Variants in SAMD7 observed in about 807,000 individuals in gnomAD.
SAMD7 encodes sterile alpha motif domain containing 7.
A neutral mutation model predicts 36.7 loss-of-function variants in SAMD7; 34 were observed. The ratio of observed to expected loss-of-function variants is 0.93; its 90% CI spans 0.71 to 1.23. The LOEUF (loss-of-function observed/expected upper bound fraction) is 1.23, where lower values mean the gene tolerates loss of function less well. Ranked by LOEUF, SAMD7 falls within the 50% of genes most tolerant of loss-of-function variation. The probability of loss-of-function intolerance (pLI) is 0.00; values close to 1 mark genes in which losing one functional copy is unlikely to be tolerated. For missense variants in SAMD7, 570 were observed against 546.6 expected, an observed-to-expected ratio of 1.04 and a Z score of -0.43; for synonymous variants, 188 against 189.7, an observed-to-expected ratio of 0.99 and a Z score of 0.07.
intron 7 of SAMD7, chr3:169,933,021 T>C (rs1389059729): frequency 7.6e-6 from 6 of 785,074 alleles, no homozygotes; most frequent in Admixed American, 7.0e-5. Context: ...GGTGTCTACC[T>C]GGAACAGACG....
rs1713570862 is a variant in SAMD7, at chr3:169,932,919, T to A, written c.1042-3420T>A. On this transcript the variant is annotated intron_variant, in intron 7 of 8. Transcript: ENST00000335556. ...CAAGATAATGAGGGCGCCAGTATGCTCATCCTTCTTGATAACAACAAAAGC... is the reference window on the plus strand; with the variant it reads ...CAAGATAATGAGGGCGCCAGTATGCACATCCTTCTTGATAACAACAAAAGC... 6.1e-6 allele frequency: 4 copies of A among 650,858 alleles called. No homozygotes were observed. In the Admixed American group the frequency reaches 8.2e-5, roughly 13 times the overall value. 40.3% of individuals were successfully genotyped at this position (650,858 alleles called of 1,614,324 possible). A position where few individuals can be genotyped will look rare whatever the true frequency, so the allele number is the denominator to read the frequency against.
chr3:169,921,362 C>T, intron 4 of SAMD7, 24 bp downstream of exon 4: 1 of 1,610,328 alleles, frequency 6.2e-7, no homozygotes, highest in Non-Finnish European at 8.5e-7. Flanking sequence ...AAGTTTGGCT[C>T]TCATCTGTGG....
rs1404596409 is a variant in SAMD7, at chr3:169,938,950, C to T, written c.*444C>T. ...AGAACAGAAATGGAGAAGCTGACCA[C>T]GACTCCATCTCTTCTCATTCCAGAT... is the stretch of plus-strand genomic sequence containing the variant. On this transcript the variant is annotated 3_prime_UTR_variant, in exon 9 of 9. Coordinates refer to ENST00000335556, the MANE Select transcript of SAMD7 (RefSeq NM_001304366.2). 1 of 152,948 alleles carries T rather than the reference C, an allele frequency of 6.5e-6. No homozygotes were observed. Among genetic ancestry groups the T allele is most frequent in the Non-Finnish European group, 1.5e-5 (1 of 68,640 alleles). The allele number at this position is 152,948 out of a possible 1,614,324, so 9.5% of individuals were successfully genotyped here.
At chr3:169,925,820 G>A (rs1446791198) in intron 5 of SAMD7, among the ~76,000 whole-genome samples, 5 of 152,102 alleles carry the variant, frequency 3.3e-5, no homozygotes, top group African/African-American at 4.8e-5. Flanking sequence ...AAATGCCTAC[G>A]ACTCCTCTGA....
At chr3:169,915,898 A>C (rs1432559442) in intron 2 of SAMD7, among the ~76,000 whole-genome samples, 1 of 152,086 alleles carries the variant, frequency 6.6e-6, no homozygotes, top group Non-Finnish European at 1.5e-5. Context: ...ATTTTTAAAA[A>C]TACCCTTATT....
At chr3:169,938,217 C>T in intron 8 of SAMD7, 101 bp from the exon 9 acceptor site, 1 of 730,982 alleles carries the variant, frequency 1.4e-6, no homozygotes, top group Non-Finnish European at 2.3e-6. Context: ...ATAGATGCTC[C>T]ATGCCTGAAA....
chr3:169,925,675 G>A (rs570506330), intron 5 of SAMD7, among the ~76,000 whole-genome samples: 1 of 152,280 alleles, frequency 6.6e-6, no homozygotes, highest in South Asian at 2.1e-4. Context: ...GCAGTGAGCC[G>A]AGATTGCACC....
intron 8 of SAMD7, among the ~76,000 whole-genome samples, chr3:169,936,719 A>G (rs891352465): frequency 9.2e-5 from 14 of 152,174 alleles, no homozygotes; most frequent in Non-Finnish European, 1.8e-4. Context: ...ATGAGCCCCA[A>G]TTTGTAATAT....
Position 169,926,273 on chromosome 3 carries a change from T to C in SAMD7, c.291-280T>C, listed in dbSNP as rs1478456324. 5.8e-6 allele frequency: 8 copies of C among 1,374,286 alleles called. No homozygotes were observed. The African/African-American group carries it at 7.2e-5, about 12-fold the overall frequency. 85.1% of individuals were successfully genotyped at this position (1,374,286 alleles called of 1,614,324 possible). A position where few individuals can be genotyped will look rare whatever the true frequency, so the allele number is the denominator to read the frequency against. ...TGAGGATTAATCTCTGGCAAGGAAC[T>C]AGCTGTGCTGCGTAAGCCCCATCCC... On this transcript the variant is annotated intron_variant, in intron 5 of 8. Coordinates refer to ENST00000335556, the MANE Select transcript of SAMD7 (RefSeq NM_001304366.2).
intron 5 of SAMD7, 40 bp from the exon 6 acceptor site, chr3:169,926,513 G>A (rs1559951356): frequency 1.9e-6 from 3 of 1,544,126 alleles, no homozygotes; most frequent in Non-Finnish European, 1.8e-6. Flanking sequence ...ATTTATAGTG[G>A]TTTTCTTGGG....
intron 7 of SAMD7, among the ~76,000 whole-genome samples, chr3:169,934,576 G>A (rs548588712): frequency 1.6e-4 from 25 of 152,318 alleles, no homozygotes; most frequent in Non-Finnish European, 2.9e-4. Context: ...CCCCAGAAGT[G>A]ACCACATGGT....
intron 7 of SAMD7, chr3:169,932,204 C>T (rs1186901528): frequency 1.3e-6 from 1 of 779,954 alleles, no homozygotes; most frequent in Admixed American, 2.0e-5. Flanking sequence ...TCCTAGGAGA[C>T]TGCAGCCCAG....
At chr3:169,932,821 C>T (rs192441196) in intron 7 of SAMD7, 12 of 576,482 alleles carry the variant, frequency 2.1e-5, no homozygotes, top group Admixed American at 1.9e-4. Flanking sequence ...GCCTGTGCCG[C>T]CTGGACACCA....
At chr3:169,929,517 G>A (rs1037597871) in intron 7 of SAMD7, among the ~76,000 whole-genome samples, 1 of 151,996 alleles carries the variant, frequency 6.6e-6, no homozygotes, top group Non-Finnish European at 1.5e-5. Flanking sequence ...GGGACTTACG[G>A]AAAAACTATA....
intron 7 of SAMD7, chr3:169,933,216 T>G (rs879463442): frequency 1.8e-4 from 110 of 623,826 alleles, no homozygotes; most frequent in South Asian, 1.1e-3. Context: ...GAAGACACAA[T>G]GCCTTTCTCC....
Position 169,928,437 on chromosome 3 carries a change from A to T in SAMD7, c.920-20A>T, listed in dbSNP as rs1490739123. On this transcript the variant is annotated intron_variant, in intron 6 of 8. Coordinates refer to ENST00000335556, the MANE Select transcript of SAMD7 (RefSeq NM_001304366.2). ...TAAACCTGTATGTATTTTATGCCACAATTTCTTTCCATTTTAAAGGAACAC... is the reference window on the plus strand; with the variant it reads ...TAAACCTGTATGTATTTTATGCCACTATTTCTTTCCATTTTAAAGGAACAC... 2 of 1,603,294 alleles carry T rather than the reference A, an allele frequency of 1.2e-6. No homozygotes were observed. The highest frequency in any genetic ancestry group is 1.3e-5 in the African/African-American group (1 of 74,650).
chr3:169,927,165 T>C lies in SAMD7; in HGVS notation c.903T>C (p.Pro301=). ...AGAATGGGGTTTGCCCTCCAGTTCC[T>C]CGACCATCTCTGCCAGGTGGGTGTC... ...DEKNGVCPPV[P]RPSLPGTHAL... The change falls in exon 6 of 9, where the codon CCT becomes CCC. Residue 301 remains proline (P), a synonymous_variant. Coordinates refer to ENST00000335556, the MANE Select transcript of SAMD7 (RefSeq NM_001304366.2). The C allele has an allele frequency of 1.3e-6, 2 of 1,529,958 alleles. No homozygotes were observed. Among genetic ancestry groups the C allele is most frequent in the Non-Finnish European group, 1.7e-6 (2 of 1,143,602 alleles). 94.8% of individuals were successfully genotyped at this position (1,529,958 alleles called of 1,614,324 possible). A position where few individuals can be genotyped will look rare whatever the true frequency, so the allele number is the denominator to read the frequency against.
chr3:169,917,765 C>A (rs1406228698), intron 2 of SAMD7, among the ~76,000 whole-genome samples: 1 of 152,064 alleles, frequency 6.6e-6, no homozygotes, highest in African/African-American at 2.4e-5. Flanking sequence ...CCTCAGCTTC[C>A]TGAGTAGCTG....
rs959438436 is a variant in SAMD7, at chr3:169,932,638, T to C, written c.1042-3701T>C. The C allele has an allele frequency of 1.3e-5, 7 of 542,998 alleles. No homozygotes were observed. In the African/African-American group the frequency reaches 1.4e-4, roughly 11 times the overall value. 33.6% of individuals were successfully genotyped at this position (542,998 alleles called of 1,614,324 possible). A position where few individuals can be genotyped will look rare whatever the true frequency, so the allele number is the denominator to read the frequency against. On this transcript the variant is annotated intron_variant, in intron 7 of 8. Transcript: ENST00000335556. ...ACTACCGAGAAACAGAATCAGCTTG[T>C]GCCGATGGAGACACAATGGAAAAAT...
Sources: gnomAD v4.1 joint callset for allele counts (sites outside exome capture counted in the v4.1 genomes callset) on GRCh38, gnomAD v4.1.1 for gene constraint, MANE v1.5 for transcripts, NCBI Gene and HGNC (gene_info 2026-07-23, HGNC 2026-07-21) for gene names.